The following NBEA variants were observed in gnomAD, a reference collection of about 807,000 sequenced individuals.
NBEA encodes the protein neurobeachin.
In NBEA, 44 loss-of-function variants were observed where a neutral mutation model predicts 343.4. That is an observed-to-expected ratio of 0.13 (90% CI 0.10 to 0.16). The LOEUF (loss-of-function observed/expected upper bound fraction) is 0.16. Ranked by LOEUF, NBEA falls within the 10% of genes least tolerant of loss-of-function variation. The pLI is 1.00. For synonymous variants in NBEA, 1,175 were observed against 1,238.7 expected (o/e 0.95, Z 1.08); for missense variants, 2,555 against 3,631.3 (o/e 0.70, Z 7.62).
intron 40 of NBEA, among the ~76,000 whole-genome samples, chr13:35,458,940 T>G (rs1041324040): frequency 3.3e-5 from 5 of 151,462 alleles, no homozygotes; most frequent in African/African-American, 1.2e-4. Flanking sequence ...AGTATTCAAA[T>G]GTAAGTGTTG....
Position 35,352,235 on chromosome 13 carries a change from C to A in NBEA, c.6091C>A (p.Arg2031=), listed in dbSNP as rs541088497. The change falls in exon 38 of 59, where the codon CGA becomes AGA. Residue 2031 remains arginine, a synonymous_variant. Transcript: ENST00000379939. The part of the protein sequence containing the change: ...CDHLISAAKH[R]DHVTANQLKQ... ...CCATCTTATCAGTGCTGCTAAACAT[C>A]GAGATCATGTAACAGCAAATCAGCT... 4 of 1,569,498 alleles carry A rather than the reference C, an allele frequency of 2.5e-6. No individual in the cohort carries two copies. The South Asian group carries it at 3.5e-5, about 14-fold the overall frequency.
chr13:34,976,072 C>G (rs532161575), intron 1 of NBEA, among the ~76,000 whole-genome samples: 7 of 152,126 alleles, frequency 4.6e-5, no homozygotes, highest in Non-Finnish European at 1.0e-4. Context: ...CCCACTACTA[C>G]GTATCTACCC....
In NBEA at chr13:35,637,335, C is replaced by A. The variant is rs2083734382; in HGVS notation, c.7618-8534C>A. ...TAGAGAAACTGGAAACTTTGTGCACCATTGATAGGAATATAAAATGCTACC... is the reference window on the plus strand; with the variant it reads ...TAGAGAAACTGGAAACTTTGTGCACAATTGATAGGAATATAAAATGCTACC... On this transcript the variant is annotated intron_variant, in intron 49 of 58. Transcript: ENST00000379939. 2.0e-5 allele frequency among the ~76,000 whole-genome samples: 3 copies of A among 152,066 alleles called. No individual in the cohort carries two copies. The South Asian group carries it at 6.2e-4, about 32-fold the overall frequency.
chr13:35,316,037 G>T (rs962982715), intron 36 of NBEA, among the ~76,000 whole-genome samples: 1 of 151,812 alleles, frequency 6.6e-6, no homozygotes, highest in Non-Finnish European at 1.5e-5. Flanking sequence ...GAAAACAGAA[G>T]TTTCTTTTCC....
chr13:35,210,623 G>A (rs984216888), intron 32 of NBEA, among the ~76,000 whole-genome samples: 9 of 152,092 alleles, frequency 5.9e-5, no homozygotes, highest in African/African-American at 1.9e-4. Flanking sequence ...ATCAAAAGGA[G>A]CATTAGATGC....
At chr13:35,263,307 A>G (rs2033376439) in intron 34 of NBEA, among the ~76,000 whole-genome samples, 1 of 151,154 alleles carries the variant, frequency 6.6e-6, no homozygotes, top group South Asian at 2.1e-4. Flanking sequence ...CACAGACAGA[A>G]AAGATAGACT....
intron 40 of NBEA, among the ~76,000 whole-genome samples, chr13:35,456,639 A>C (rs2046594131): frequency 6.6e-6 from 1 of 152,026 alleles, no homozygotes; most frequent in African/African-American, 2.4e-5. Context: ...GAGTAACTGA[A>C]ATTCAAGATT....
chr13:34,944,496 C>G (rs1250798903), intron 1 of NBEA, among the ~76,000 whole-genome samples: 1 of 152,168 alleles, frequency 6.6e-6, no homozygotes, highest in Non-Finnish European at 1.5e-5. Flanking sequence ...CAAAACACCT[C>G]TTTTTACTTT....
chr13:35,228,339 C>G (rs982248772), intron 33 of NBEA, among the ~76,000 whole-genome samples: 2 of 149,328 alleles, frequency 1.3e-5, no homozygotes, highest in Non-Finnish European at 3.0e-5. Flanking sequence ...TCTCAAGTTT[C>G]AGCAAGAATT....
intron 38 of NBEA, among the ~76,000 whole-genome samples, chr13:35,431,463 T>C (rs1225458793): frequency 6.6e-6 from 1 of 152,180 alleles, no homozygotes; most frequent in Non-Finnish European, 1.5e-5. Context: ...AAATGTTTCA[T>C]TGGCTATATA....
intron 44 of NBEA, among the ~76,000 whole-genome samples, chr13:35,558,984 G>A (rs764826168): frequency 2.0e-5 from 3 of 152,162 alleles, no homozygotes; most frequent in Non-Finnish European, 4.4e-5. Flanking sequence ...ACCGTAATAA[G>A]TAGAATGACA....
At chr13:35,620,575 C>T (rs1349329493) in intron 48 of NBEA, among the ~76,000 whole-genome samples, 1 of 152,040 alleles carries the variant, frequency 6.6e-6, no homozygotes, top group Non-Finnish European at 1.5e-5. Context: ...TGCCTTTTTA[C>T]CCTGAGTAAA....
intron 38 of NBEA, among the ~76,000 whole-genome samples, chr13:35,431,469 A>G (rs1010032685): frequency 1.3e-5 from 2 of 152,178 alleles, no homozygotes; most frequent in African/African-American, 2.4e-5. Flanking sequence ...TTCATTGGCT[A>G]TATAATGGGC....
chr13:35,326,855 A>G (rs1004159253), intron 36 of NBEA, among the ~76,000 whole-genome samples: 1 of 152,114 alleles, frequency 6.6e-6, no homozygotes, highest in Non-Finnish European at 1.5e-5. Context: ...CAGAAAACCT[A>G]CAGAATGGGA....
At chr13:35,463,499 T>A (rs1317805425) in intron 40 of NBEA, among the ~76,000 whole-genome samples, 1 of 151,608 alleles carries the variant, frequency 6.6e-6, no homozygotes, top group Non-Finnish European at 1.5e-5. Flanking sequence ...GTGGTGCGAG[T>A]CTGTGGTCCC....
intron 35 of NBEA, among the ~76,000 whole-genome samples, chr13:35,296,538 G>A (rs2036143495): frequency 6.6e-6 from 1 of 151,958 alleles, no homozygotes; most frequent in Admixed American, 6.6e-5. Flanking sequence ...CAGAAGAGAA[G>A]GAATGTAGAA....
chr13:35,643,047 T>G (rs752876615), intron 49 of NBEA, among the ~76,000 whole-genome samples: 3 of 151,960 alleles, frequency 2.0e-5, no homozygotes, highest in Non-Finnish European at 4.4e-5. Flanking sequence ...TAATGACATT[T>G]CTGGATAATA....
chr13:35,376,754 GAGA>G (rs1218775729), intron 38 of NBEA, among the ~76,000 whole-genome samples: 1 of 152,108 alleles, frequency 6.6e-6, no homozygotes, highest in East Asian at 1.9e-4. Context: ...ACTGTTGAAG[GAGA>G]AGGAGATTTA....
At chr13:35,652,860 A>G (rs1440229919) in intron 53 of NBEA, among the ~76,000 whole-genome samples, 1 of 150,270 alleles carries the variant, frequency 6.7e-6, no homozygotes, top group African/African-American at 2.4e-5. Flanking sequence ...GCGCCCGGCT[A>G]ATTTTTGGTA....
Sources: allele counts gnomAD v4.1 joint callset (sites outside exome capture counted in the v4.1 genomes callset), GRCh38; gene constraint gnomAD v4.1.1; transcripts MANE v1.5; gene names NCBI Gene and HGNC (gene_info 2026-07-23, HGNC 2026-07-21).